PSMC2: variants seen among roughly 807,000 people sequenced by gnomAD.
PSMC2 encodes proteasome 26S subunit, ATPase 2, also known as 26S proteasome regulatory subunit 7.
A neutral mutation model predicts 53.3 loss-of-function variants in PSMC2; 7 were observed. The observed-to-expected ratio is 0.13, with a 90% CI of 0.07 to 0.25. The LOEUF is 0.25. Ranked by LOEUF, PSMC2 falls within the 10% of genes least tolerant of loss-of-function variation. The pLI is 1.00. For missense variants in PSMC2, 241 were observed against 544.0 expected (o/e 0.44, Z 5.54); for synonymous variants, 169 against 183.9 (o/e 0.92, Z 0.66).
chr7:103,348,584 T>C (rs1819657221), intron 1 of PSMC2: 1 of 922,756 alleles, frequency 1.1e-6, no homozygotes, highest in East Asian at 2.4e-5. Flanking sequence ...TTTACCTCGT[T>C]GCACTCTGAG....
intron 1 of PSMC2, chr7:103,348,466 C>T (rs1012636337): frequency 1.9e-6 from 1 of 519,486 alleles, no homozygotes; most frequent in African/African-American, 1.9e-5. Flanking sequence ...TAGTCACTTC[C>T]TCTGCATCTG....
intron 4 of PSMC2, among the ~76,000 whole-genome samples, chr7:103,359,172 A>ATTTTTTTTTTTT (rs1586155184): frequency 1.9e-4 from 11 of 58,414 alleles, no homozygotes; most frequent in East Asian, 6.1e-4. Context: ...TTTTTTTTTA[A>ATTTTTTTTTTTT]TTTTTAGTAG....
chr7:103,361,336 TAA>T (rs1170508055), intron 4 of PSMC2, among the ~76,000 whole-genome samples: 18 of 120,794 alleles, frequency 1.5e-4, no homozygotes, highest in Admixed American at 2.6e-4. Flanking sequence ...CCCTCTCTAC[TAA>T]AAAAAAAAAA....
intron 8 of PSMC2, 68 bp from the exon 9 acceptor site, chr7:103,366,008 A>G (rs1406540556): frequency 3.2e-6 from 4 of 1,260,366 alleles, no homozygotes; most frequent in African/African-American, 1.5e-5. Context: ...AGTTTGAAGC[A>G]TAACTTTTTA....
chr7:103,347,673 T>G lies in PSMC2; in HGVS notation c.-39T>G. The G allele has an allele frequency of 6.2e-7, 1 of 1,612,004 alleles. No individual in the cohort carries two copies. Among genetic ancestry groups the G allele is most frequent in the East Asian group, 2.2e-5 (1 of 44,842 alleles). ...ACCACCGGAAGCAAGGAAGGTGCTGTGTAATCATTAAGGAGCGGAGGCTTT... is the reference window on the plus strand; with the variant it reads ...ACCACCGGAAGCAAGGAAGGTGCTGGGTAATCATTAAGGAGCGGAGGCTTT... On this transcript the variant is annotated 5_prime_UTR_variant, in exon 1 of 12. Transcript: ENST00000292644.
In PSMC2 at chr7:103,367,334, A is replaced by AT. The variant is rs1201309962; in HGVS notation, c.845-74dup. On this transcript the variant is annotated intron_variant, in intron 9 of 11. Coordinates refer to ENST00000292644, the MANE Select transcript of PSMC2 (RefSeq NM_002803.4). This position sits in a 1 kb window ranked among gnomAD's most constrained non-coding sequence, Gnocchi z 6.1. The stretch of plus-strand genomic sequence containing the variant: ...GCCTGAGGACATGATTTGAGCTGAG[A>AT]TTTTTGGTACTTTCAGGTCATGCAT... 9 of 1,389,452 alleles carry AT rather than the reference A, an allele frequency of 6.5e-6. No individual in the cohort carries two copies. In the African/African-American group the frequency reaches 1.0e-4, roughly 15 times the overall value. 86.1% of individuals were successfully genotyped at this position (1,389,452 alleles called of 1,614,324 possible).
At chr7:103,366,240 A>C in intron 9 of PSMC2, 77 bp downstream of exon 9, 3 of 1,292,578 alleles carry the variant, frequency 2.3e-6, no homozygotes, top group Non-Finnish European at 3.3e-6. Context: ...GTGATATGTT[A>C]ATCTTGTACA....
chr7:103,352,744 T>C (rs1446609915), intron 1 of PSMC2: 1 of 738,768 alleles, frequency 1.4e-6, no homozygotes, highest in East Asian at 2.5e-5. Flanking sequence ...ATTCATTTTT[T>C]CTTTATTTCA....
At chr7:103,361,434 C>T (rs1430020243) in intron 4 of PSMC2, among the ~76,000 whole-genome samples, 1 of 140,236 alleles carries the variant, frequency 7.1e-6, no homozygotes, top group Non-Finnish European at 1.5e-5. Flanking sequence ...TGCATGAACC[C>T]AAGAGGTGGA....
At position 103,355,731 on chromosome 7, in the gene PSMC2, A is replaced by G. The variant is rs201584289; in HGVS notation, c.228A>G (p.Ala76=). 6.2e-7 allele frequency: 1 copy of G among 1,614,078 alleles called. No homozygotes were observed. Among genetic ancestry groups the G allele is most frequent in the Non-Finnish European group, 8.5e-7 (1 of 1,180,002 alleles). The change falls in exon 4 of 12, where the codon GCA becomes GCG. Residue 76 remains alanine (A), a synonymous_variant. Transcript: ENST00000292644. ...KESDTGLAPP[A]LWDLAADKQT... ...CTGACACTGGCCTGGCCCCACCAGC[A>G]CTCTGGGATTTGGCTGCAGATAAGC...
chr7:103,365,239 G>C (rs889879281), intron 8 of PSMC2, among the ~76,000 whole-genome samples: 2 of 151,924 alleles, frequency 1.3e-5, no homozygotes, highest in African/African-American at 4.8e-5. Flanking sequence ...GAAACCTATT[G>C]CTATTTAATA....
In PSMC2 at chr7:103,367,246, A is replaced by G. The variant is rs1343560833; in HGVS notation, c.845-167A>G. On this transcript the variant is annotated intron_variant, in intron 9 of 11. Coordinates refer to ENST00000292644, the MANE Select transcript of PSMC2 (RefSeq NM_002803.4). The surrounding 1 kb of genome is among the most constrained non-coding windows in gnomAD (Gnocchi z 6.1). ...TTTTGAAAGCAAAGATTCACTTTCT[A>G]ATTAGTTTTATATAAAGCAAGCTGT... 6.6e-6 allele frequency among the ~76,000 whole-genome samples: 1 copy of G among 152,098 alleles called. No individual in the cohort carries two copies. Among genetic ancestry groups the G allele is most frequent in the African/African-American group, 2.4e-5 (1 of 41,396 alleles).
intron 4 of PSMC2, among the ~76,000 whole-genome samples, chr7:103,359,138 CTTTT>C (rs35936603): frequency 3.8e-4 from 12 of 31,334 alleles, no homozygotes; most frequent in South Asian, 3.7e-3. Flanking sequence ...CCATGTCTGG[CTTTT>C]TTTTTTTTTT....
In PSMC2 at chr7:103,364,128, G is replaced by C. The variant is rs141423831; in HGVS notation, c.592-15G>C. The C allele has an allele frequency of 6.2e-7, 1 of 1,609,396 alleles. No individual in the cohort carries two copies. Among genetic ancestry groups the C allele is most frequent in the African/African-American group, 1.3e-5 (1 of 74,772 alleles). The stretch of plus-strand genomic sequence containing the variant: ...TACAGAAGTGGTAAGTGTGAAAATT[G>C]TGTCTCTATCACAGCCAGAGAGGTT... On this transcript the variant is annotated splice_polypyrimidine_tract_variant and intron_variant, in intron 7 of 11. Coordinates refer to ENST00000292644, the MANE Select transcript of PSMC2 (RefSeq NM_002803.4).
At chr7:103,365,906 C>T (rs1028988945) in intron 8 of PSMC2, among the ~76,000 whole-genome samples, 170 bp from the exon 9 acceptor site, 8 of 151,822 alleles carry the variant, frequency 5.3e-5, no homozygotes, top group African/African-American at 1.5e-4. Context: ...CCAGCCTGGG[C>T]GACAGAGGAA....
In PSMC2 at chr7:103,364,981, A is replaced by ATATATATATATATATATATT. The variant is rs950613120; in HGVS notation, c.756+677_756+678insATATATATATATATATTTAT. 8.3e-4 allele frequency among the ~76,000 whole-genome samples: 117 copies of ATATATATATATATATATATT among 140,768 alleles called. 1 individual carries two copies. The highest frequency in any genetic ancestry group is 1.1e-3 in the Non-Finnish European group (74 of 64,670). The allele number at this position is 140,768 out of a possible 152,430, so 92.3% of individuals were successfully genotyped here. A position where few individuals can be genotyped will look rare whatever the true frequency, so the allele number is the denominator to read the frequency against. Reference sequence around the variant, plus strand: ...TACATATATATATATATATATATATATATTTAGAGAATAAGTCTAGGGCTA... The same window carrying ATATATATATATATATATATT: ...TACATATATATATATATATATATATATATATATATATATATATATTTATTTAGAGAATAAGTCTAGGGCTA... On this transcript the variant is annotated intron_variant, in intron 8 of 11. Transcript: ENST00000292644.
intron 1 of PSMC2, chr7:103,348,572 C>G (rs1021766452): frequency 1.2e-6 from 1 of 863,928 alleles, no homozygotes; most frequent in Non-Finnish European, 2.0e-6. Context: ...CAATGAGTAC[C>G]TTTTACCTCG....
At position 103,367,830 on chromosome 7, in the gene PSMC2, TA is replaced by T; in HGVS notation, c.1144+22del. 1 of 1,612,024 alleles carries T rather than the reference TA, an allele frequency of 6.2e-7. No individual in the cohort carries two copies. The highest frequency in any genetic ancestry group is 8.5e-7 in the Non-Finnish European group (1 of 1,179,192). On this transcript the variant is annotated intron_variant, in intron 11 of 11. Coordinates refer to ENST00000292644, the MANE Select transcript of PSMC2 (RefSeq NM_002803.4). The surrounding 1 kb of genome is among the most constrained non-coding windows in gnomAD (Gnocchi z 6.1). ...CACTGGTAAGTAGAAAGTTCTTGCTTATATTTGCTGGTCTGTCTGCTCAGGC... is the reference window on the plus strand; with the variant it reads ...CACTGGTAAGTAGAAAGTTCTTGCTTTATTTGCTGGTCTGTCTGCTCAGGC...
intron 1 of PSMC2, among the ~76,000 whole-genome samples, chr7:103,350,775 G>C (rs1355915692): frequency 6.6e-6 from 1 of 152,066 alleles, no homozygotes; most frequent in African/African-American, 2.4e-5. Context: ...TGGCATTTCA[G>C]GGGTGAGCTA....
Sources: allele counts gnomAD v4.1 joint callset (sites outside exome capture counted in the v4.1 genomes callset), GRCh38; gene constraint gnomAD v4.1.1; non-coding constraint Gnocchi (gnomAD v3.1); transcripts MANE v1.5; gene names NCBI Gene and HGNC (gene_info 2026-07-23, HGNC 2026-07-21).